NPFFR1: variants seen among roughly 807,000 people sequenced by gnomAD.
The protein encoded by NPFFR1 is G-protein coupled receptor 147.
NPFFR1 carries 17 observed loss-of-function variants against 12.7 expected under a neutral mutation model. The observed-to-expected ratio is 1.34, with a 90% confidence interval of 0.92 to 2.01. NPFFR1 has a LOEUF of 2.01. Ranked by LOEUF, NPFFR1 falls within the 30% of genes most tolerant of loss-of-function variation. NPFFR1 has a pLI of 0.00. For synonymous variants in NPFFR1, 296 were observed against 264.5 expected (o/e 1.12, Z -1.16); for missense variants, 604 against 606.5 (o/e 1.00, Z 0.04).
intron 2 of NPFFR1, among the ~76,000 whole-genome samples, chr10:70,263,657 G>A (rs1840657828): frequency 6.6e-6 from 1 of 152,154 alleles, no homozygotes. Context: ...GAGATGTAGA[G>A]TGGAATAGGT....
intron 1 of NPFFR1, among the ~76,000 whole-genome samples, chr10:70,278,250 G>C (rs1203259726): frequency 6.6e-6 from 1 of 151,976 alleles, no homozygotes; most frequent in East Asian, 1.9e-4. Flanking sequence ...TCCAGCAAGA[G>C]GGACTCCAGA....
rs374300517 is a variant in NPFFR1 at position 70,255,209 on chromosome 10, G to T, written c.1041C>A (p.Arg347=). The T allele has an allele frequency of 7.7e-6, 12 of 1,550,212 alleles. No individual in the cohort carries two copies. The highest frequency in any genetic ancestry group is 1.0e-5 in the Non-Finnish European group (12 of 1,151,492). Residue 347 remains arginine (R), a synonymous_variant, in exon 4 of 4, where the codon CGC becomes CGA. Coordinates refer to ENST00000277942, the MANE Select transcript of NPFFR1 (RefSeq NM_022146.5). The surrounding 1 kb of genome is among the most constrained non-coding windows in gnomAD (Gnocchi z 4.2). ...GGCTCCCCGACGGGCGCGGGCAGAG[G>T]CGGGCGCGGAAGGCGGCCTGGAAGC... ...RRGFQAAFRA[R]LCPRPSGSHK...
chr10:70,279,687 A>C (rs974216646), intron 1 of NPFFR1, among the ~76,000 whole-genome samples: 1 of 151,850 alleles, frequency 6.6e-6, no homozygotes, highest in Non-Finnish European at 1.5e-5. Context: ...TCTCGAACTC[A>C]TGACCTCAAA....
intron 1 of NPFFR1, among the ~76,000 whole-genome samples, chr10:70,279,919 A>C (rs1429587796): frequency 6.6e-6 from 1 of 152,140 alleles, no homozygotes; most frequent in Non-Finnish European, 1.5e-5. Context: ...GAGCCACTCT[A>C]CTCTCTGGTT....
chr10:70,280,251 C>T (rs1173081449), intron 1 of NPFFR1, among the ~76,000 whole-genome samples: 1 of 152,194 alleles, frequency 6.6e-6, no homozygotes, highest in African/African-American at 2.4e-5. Context: ...CAGAAATGAA[C>T]TTGCTGGATC....
intron 3 of NPFFR1, among the ~76,000 whole-genome samples, chr10:70,258,891 C>A (rs572848411): frequency 4.7e-4 from 72 of 152,288 alleles, no homozygotes; most frequent in African/African-American, 1.7e-3. Context: ...TGCCCTCCTG[C>A]CAACCCAGTT....
intron 3 of NPFFR1, among the ~76,000 whole-genome samples, chr10:70,258,065 C>T (rs573331310): frequency 3.8e-4 from 58 of 152,206 alleles, no homozygotes; most frequent in Non-Finnish European, 6.8e-4. Context: ...ACTCAGAGAC[C>T]GGTGCCGGCG....
chr10:70,264,366 C>CAAAAAAAAAAAAAAAAAAAAAAAA (rs56178146), intron 2 of NPFFR1, among the ~76,000 whole-genome samples: 2 of 74,582 alleles, frequency 2.7e-5, no homozygotes, highest in Non-Finnish European at 4.8e-5. Flanking sequence ...AGTGAGACTC[C>CAAAAAAAAAAAAAAAAAAAAAAAA]AAAAAAAAAA....
chr10:70,265,221 C>T (rs1434394929), intron 2 of NPFFR1, among the ~76,000 whole-genome samples: 1 of 152,188 alleles, frequency 6.6e-6, no homozygotes, highest in Non-Finnish European at 1.5e-5. Flanking sequence ...CTGAATAGGG[C>T]TGTCCAGGCT....
At chr10:70,280,683 G>C (rs76482907) in intron 1 of NPFFR1, among the ~76,000 whole-genome samples, 2 of 152,022 alleles carry the variant, frequency 1.3e-5, no homozygotes, top group African/African-American at 4.8e-5. Flanking sequence ...TTTTGAAAAC[G>C]CTTTTTTGTT....
At chr10:70,263,562 C>T (rs1293628081) in intron 2 of NPFFR1, among the ~76,000 whole-genome samples, 2 of 152,106 alleles carry the variant, frequency 1.3e-5, no homozygotes, top group Admixed American at 6.5e-5. Flanking sequence ...CATGAGCCAC[C>T]GCGCCCGGCC....
At chr10:70,283,212 TCTCTCTCTCA>T (rs1340066834) in intron 1 of NPFFR1, among the ~76,000 whole-genome samples, 10 of 136,278 alleles carry the variant, frequency 7.3e-5, no homozygotes, top group African/African-American at 2.8e-4. Flanking sequence ...GGTCTTTCTC[TCTCTCTCTCA>T]CTCTCTCTCT....
Position 70,260,740 on chromosome 10 carries a change from C to T in NPFFR1, c.323-1G>A. 6.3e-7 allele frequency: 1 copy of T among 1,591,972 alleles called. No individual in the cohort carries two copies. The highest frequency in any genetic ancestry group is 8.6e-7 in the Non-Finnish European group (1 of 1,169,364). ...CATGTGGCATTGTCGAAGGGCCACC[C>T]TGCAATGACAGAGGCCCCCACAGAG... On this transcript the variant is annotated splice_acceptor_variant, in intron 2 of 3. Transcript: ENST00000277942. LOFTEE classifies it high-confidence loss of function.
In NPFFR1 at chr10:70,266,231, G is replaced by C. The variant is rs1173846673; in HGVS notation, c.168C>G (p.Leu56=). 1.9e-6 allele frequency: 3 copies of C among 1,613,908 alleles called. No individual in the cohort carries two copies. Among genetic ancestry groups the C allele is most frequent in the East Asian group, 2.2e-5 (1 of 44,900 alleles). Residue 56 remains leucine (L), a synonymous_variant, in exon 2 of 4, where the codon CTC becomes CTG. Coordinates refer to ENST00000277942, the MANE Select transcript of NPFFR1 (RefSeq NM_022146.5). Reference sequence around the variant, plus strand: ...AGACCAGGGTGTTGCCCACCATGCAGAGCAGGAAGATGAGCGCATAGGCCA... The same window carrying C: ...AGACCAGGGTGTTGCCCACCATGCACAGCAGGAAGATGAGCGCATAGGCCA... ...FIVAYALIFL[L]CMVGNTLVCF...
intron 2 of NPFFR1, among the ~76,000 whole-genome samples, chr10:70,263,223 A>C (rs1021371230): frequency 1.3e-5 from 2 of 152,192 alleles, no homozygotes; most frequent in African/African-American, 4.8e-5. Flanking sequence ...TACACTTAAA[A>C]AGGCAGATTT....
intron 2 of NPFFR1, among the ~76,000 whole-genome samples, chr10:70,261,957 T>C (rs1053912486): frequency 5.9e-5 from 9 of 152,228 alleles, no homozygotes; most frequent in Admixed American, 3.3e-4. Flanking sequence ...GTATAAAGAC[T>C]ATCTGTACTA....
intron 3 of NPFFR1, among the ~76,000 whole-genome samples, chr10:70,256,440 C>T (rs545186350): frequency 2.0e-5 from 3 of 152,290 alleles, no homozygotes; most frequent in South Asian, 2.1e-4. Flanking sequence ...GATCAGAGTG[C>T]GCAGTCTGTC....
intron 3 of NPFFR1, among the ~76,000 whole-genome samples, chr10:70,257,986 C>T (rs1027597816): frequency 6.6e-6 from 1 of 152,180 alleles, no homozygotes; most frequent in African/African-American, 2.4e-5. Context: ...TCCTTATTAT[C>T]ACCCTGCCCT....
intron 2 of NPFFR1, among the ~76,000 whole-genome samples, chr10:70,262,046 G>A (rs1387521958): frequency 6.6e-6 from 1 of 152,200 alleles, no homozygotes; most frequent in Non-Finnish European, 1.5e-5. Context: ...ATACAGAAAA[G>A]ATAAATCAGA....
Sources: allele counts gnomAD v4.1 joint callset (sites outside exome capture counted in the v4.1 genomes callset), GRCh38; gene constraint gnomAD v4.1.1; non-coding constraint Gnocchi (gnomAD v3.1); transcripts MANE v1.5; gene names NCBI Gene and HGNC (gene_info 2026-07-23, HGNC 2026-07-21).